Variants in BEST1 observed in about 807,000 individuals in gnomAD.
BEST1 encodes bestrophin-1.
A neutral mutation model predicts 63.3 loss-of-function variants in BEST1; 58 were observed. The observed-to-expected ratio is 0.92, with a 90% CI of 0.74 to 1.14. BEST1 has a LOEUF of 1.14. Ranked by LOEUF, BEST1 falls within the 50% of genes most tolerant of loss-of-function variation. BEST1 has a pLI of 0.00. For missense variants in BEST1, 671 were observed against 740.1 expected, an observed-to-expected ratio of 0.91 and a Z score of 1.08; for synonymous variants, 283 against 291.6, an observed-to-expected ratio of 0.97 and a Z score of 0.30.
chr11:61,951,797 C>T lies in BEST1; in HGVS notation c.-10C>T. 6.2e-7 allele frequency: 1 copy of T among 1,611,708 alleles called. No individual in the cohort carries two copies. On this transcript the variant is annotated 5_prime_UTR_variant, in exon 2 of 11. Coordinates refer to ENST00000378043, the MANE Select transcript of BEST1 (RefSeq NM_004183.4). ...ACCCAAGCCCACCTGCTGCAGCCCA[C>T]TGCCTGGCCATGACCATCACTTACA... is the stretch of plus-strand genomic sequence containing the variant.
In BEST1 at chr11:61,959,998, C is replaced by T. The variant is rs1374266437; in HGVS notation, c.1055C>T (p.Ala352Val). The change falls in exon 9 of 11, where the codon GCC becomes GTC. Residue 352 changes from alanine (A) to valine (V), a missense_variant. Ala to Val is a moderately conservative substitution (Grantham distance 64). Transcript: ENST00000378043. ...EPQPPYTAAS[A>V]QFRRASFMGS... ...CAGCCCCCCTACACAGCTGCTTCCG[C>T]CCAGTTCCGTCGAGCCTCCTTTATG... is the stretch of plus-strand genomic sequence containing the variant. 2 of 1,611,978 alleles carry T rather than the reference C, an allele frequency of 1.2e-6. No individual in the cohort carries two copies. Among genetic ancestry groups the T allele is most frequent in the Non-Finnish European group, 8.5e-7 (1 of 1,179,294 alleles).
chr11:61,964,258 G>A lies in BEST1; in HGVS notation c.*136G>A, dbSNP rs1298454450. On this transcript the variant is annotated 3_prime_UTR_variant, in exon 11 of 11. Coordinates refer to ENST00000378043, the MANE Select transcript of BEST1 (RefSeq NM_004183.4). ...TACAACAGCCTGAATCAAATGGTTA[G>A]CTTAATAGATAAAAATCCCAGACTA... is the stretch of plus-strand genomic sequence containing the variant. The A allele has an allele frequency of 6.6e-7, 1 of 1,508,960 alleles. No individual in the cohort carries two copies. Among genetic ancestry groups the A allele is most frequent in the African/African-American group, 1.4e-5 (1 of 72,212 alleles). 93.5% of individuals were successfully genotyped at this position (1,508,960 alleles called of 1,614,324 possible).
At chr11:61,960,336 G>A (rs1025384561) in intron 9 of BEST1, 2 of 513,058 alleles carry the variant, frequency 3.9e-6, no homozygotes. Context: ...GTGATGCAGT[G>A]GAACGTTAGG....
intron 9 of BEST1, chr11:61,960,828 CCCA>C (rs1171357843): frequency 6.5e-6 from 1 of 152,860 alleles, no homozygotes; most frequent in African/African-American, 2.4e-5. Context: ...CAGACTTATC[CCCA>C]CATGGTCCCA....
At chr11:61,951,703 G>A (rs1453202825) in intron 1 of BEST1, 68 bp from the exon 2 acceptor site, 1 of 1,502,296 alleles carries the variant, frequency 6.7e-7, no homozygotes, top group Non-Finnish European at 9.1e-7. Context: ...AGCAGGGAAG[G>A]GTCCTGACAG....
chr11:61,963,306 C>T, intron 10 of BEST1: 1 of 1,357,358 alleles, frequency 7.4e-7, no homozygotes, highest in Non-Finnish European at 9.4e-7. Flanking sequence ...ATGAACACTT[C>T]CCCCATAACT....
downstream of BEST1, chr11:61,965,481 T>C: frequency 6.2e-7 from 1 of 1,605,600 alleles, no homozygotes; most frequent in Non-Finnish European, 8.5e-7. Flanking sequence ...GGCAAAGTTC[T>C]TCAAAGCCAC....
chr11:61,956,746 G>T, intron 4 of BEST1, 98 bp from the exon 5 acceptor site: 1 of 1,477,230 alleles, frequency 6.8e-7, no homozygotes. Context: ...AAAGAAAGAG[G>T]ATGGCAAAGG....
chr11:61,956,986 G>A lies in BEST1; in HGVS notation c.624G>A (p.Gln208=), dbSNP rs150247275. 1,515 of 1,614,158 alleles carry A rather than the reference G, an allele frequency of 9.4e-4. 7 individuals carry two copies. The highest frequency in any genetic ancestry group is 6.7e-4 in the Non-Finnish European group (795 of 1,180,032). Residue 208 remains glutamine, a synonymous_variant, in exon 5 of 11, where the codon CAG becomes CAA. Transcript: ENST00000378043. The stretch of plus-strand genomic sequence containing the variant: ...GAATCCGGGACCCTATCCTGCTCCA[G>A]AGCCTGCTGAACGTGAGCCCACTGT... ...GGRIRDPILL[Q]SLLNEMNTLR... is the part of the protein sequence containing the mutation.
chr11:61,962,326 G>A lies in BEST1; in HGVS notation c.1172G>A (p.Gly391Asp). 1.2e-6 allele frequency: 2 copies of A among 1,614,150 alleles called. No individual in the cohort carries two copies. Among genetic ancestry groups the A allele is most frequent in the Non-Finnish European group, 1.7e-6 (2 of 1,180,032 alleles). The stretch of plus-strand genomic sequence containing the variant: ...GAGGATGCTCACGCTGGCATCATTG[G>A]CCGCTTCCTAGGCCTGCAGTCCCAT... ...DEEDAHAGIIGRFLGLQSHDH... is the reference protein window; with the variant it reads ...DEEDAHAGIIDRFLGLQSHDH... Residue 391 changes from glycine to aspartate, a missense_variant, in exon 10 of 11, where the codon GGC (glycine) becomes GAC (aspartate). Physicochemically the swap from Gly to Asp is moderately conservative, Grantham distance 94. Transcript: ENST00000378043.
At chr11:61,963,374 G>A in intron 10 of BEST1, 1 of 1,262,514 alleles carries the variant, frequency 7.9e-7, no homozygotes, top group Non-Finnish European at 1.0e-6. Flanking sequence ...CTCACTCCTA[G>A]GAACTGGTAG....
At chr11:61,954,677 G>A (rs556895669) in intron 2 of BEST1, 8 of 470,606 alleles carry the variant, frequency 1.7e-5, no homozygotes, top group South Asian at 9.1e-5. Flanking sequence ...TGCCCAGGCT[G>A]GTCTTGAACT....
Position 61,962,842 on chromosome 11 carries a change from T to A in BEST1, c.1688T>A (p.Ile563Lys). 6.2e-7 allele frequency: 1 copy of A among 1,614,074 alleles called. No individual in the cohort carries two copies. The highest frequency in any genetic ancestry group is 2.2e-5 in the East Asian group (1 of 44,876). The change falls in exon 10 of 11, where the codon ATA becomes AAA. Residue 563 changes from isoleucine (I) to lysine (K), a missense_variant. Physicochemically the swap from Ile to Lys is moderately radical, Grantham distance 102. Transcript: ENST00000378043. Reference sequence around the variant, plus strand: ...CCTTTGGAACAATCACCAACCAACATACACACTACACTCAAAGATCACATG... The same window carrying A: ...CCTTTGGAACAATCACCAACCAACAAACACACTACACTCAAAGATCACATG... Reference protein sequence around the residue: ...KEPLEQSPTNIHTTLKDHMDP... With the variant: ...KEPLEQSPTNKHTTLKDHMDP...
intron 7 of BEST1, chr11:61,959,236 G>C (rs1941769587): frequency 1.8e-6 from 1 of 548,550 alleles, no homozygotes; most frequent in African/African-American, 1.9e-5. Flanking sequence ...TAAAGGCAGT[G>C]ACTCAGCCGA....
In BEST1 at chr11:61,964,045, G is replaced by C. The variant is rs1244349247; in HGVS notation, c.1740-59G>C. ...CTTTGCCCTCCTACTGCAACATTTT[G>C]GTATTTGAAATGAAGGGACCTTCCA... On this transcript the variant is annotated intron_variant, in intron 10 of 10. Coordinates refer to ENST00000378043, the MANE Select transcript of BEST1 (RefSeq NM_004183.4). The C allele has an allele frequency of 7.7e-5, 124 of 1,610,392 alleles. 1 individual carries two copies. The highest frequency in any genetic ancestry group is 6.1e-5 in the Non-Finnish European group (72 of 1,179,416).
In BEST1 at chr11:61,956,983, C is replaced by T; in HGVS notation, c.621C>T (p.Leu207=). ...GTCGAATCCGGGACCCTATCCTGCT[C>T]CAGAGCCTGCTGAACGTGAGCCCAC... ...LGGRIRDPIL[L]QSLLNEMNTL... is the part of the protein sequence containing the mutation. Residue 207 remains leucine (L), a synonymous_variant, in exon 5 of 11, where the codon CTC becomes CTT. Transcript: ENST00000378043. 1 of 1,614,134 alleles carries T rather than the reference C, an allele frequency of 6.2e-7. No individual in the cohort carries two copies. The highest frequency in any genetic ancestry group is 8.5e-7 in the Non-Finnish European group (1 of 1,180,032).
At position 61,960,101 on chromosome 11, in the gene BEST1, AG is replaced by A; in HGVS notation, c.1100+60del. 4 of 1,574,790 alleles carry A rather than the reference AG, an allele frequency of 2.5e-6. No homozygotes were observed. The South Asian group carries it at 4.6e-5, about 18-fold the overall frequency. On this transcript the variant is annotated intron_variant, in intron 9 of 10. Transcript: ENST00000378043. ...CCCCTCCTAGTGCAGGGGTCTGCCT[AG>A]GAACTTAGAATAGCACTAGTTAATG...
In BEST1 at chr11:61,962,457, A is replaced by G; in HGVS notation, c.1303A>G (p.Asn435Asp). ...CAAAAACCACAAGGCAGCCAAACAG[A>G]ACGTTAGGGGCCAGGAAGACAACAA... ...LPKNHKAAKQ[N>D]VRGQEDNKAW... The change falls in exon 10 of 11, where the codon AAC becomes GAC. Residue 435 changes from asparagine (N) to aspartate (D), a missense_variant. Physicochemically the swap from Asn to Asp is conservative, Grantham distance 23. Transcript: ENST00000378043. 6.2e-7 allele frequency: 1 copy of G among 1,614,176 alleles called. No homozygotes were observed. The highest frequency in any genetic ancestry group is 8.5e-7 in the Non-Finnish European group (1 of 1,180,026).
At chr11:61,964,980 T>C (rs1942417106), downstream of BEST1, 2 of 1,614,140 alleles carry the variant, frequency 1.2e-6, no homozygotes, top group Non-Finnish European at 8.5e-7. Context: ...GGGGTTCCAA[T>C]ACTCACATGG....
Sources: gnomAD v4.1 joint callset for allele counts on GRCh38, gnomAD v4.1.1 for gene constraint, MANE v1.5 for transcripts, NCBI Gene and HGNC (gene_info 2026-07-23, HGNC 2026-07-21) for gene names.